The following IPO5 variants were observed in gnomAD, a reference collection of about 807,000 sequenced individuals.
IPO5 encodes the protein importin-5.
IPO5 carries 18 observed loss-of-function variants against 143.3 expected under a neutral mutation model. That is an observed-to-expected ratio of 0.13 (90% CI 0.09 to 0.19). IPO5 has a LOEUF of 0.19. IPO5 is among the 10% of genes least tolerant of loss of function. The pLI is 1.00. For synonymous variants in IPO5, 477 were observed against 465.7 expected, an observed-to-expected ratio of 1.02 and a Z score of -0.31; for missense variants, 1,013 against 1,336.9, an observed-to-expected ratio of 0.76 and a Z score of 3.78.
At chr13:98,007,138 G>A (rs983383658) in intron 17 of IPO5, among the ~76,000 whole-genome samples, 4 of 151,910 alleles carry the variant, frequency 2.6e-5, no homozygotes, top group East Asian at 1.9e-4. Context: ...GAGCCACCGC[G>A]CCCAGCCCGT....
At chr13:98,009,753 G>C in intron 18 of IPO5, 128 bp from the exon 19 acceptor site, 1 of 707,292 alleles carries the variant, frequency 1.4e-6, no homozygotes, top group South Asian at 2.1e-5. Context: ...CTTTAGAAAT[G>C]CTCTTACTGC....
At chr13:97,976,629 C>T in intron 3 of IPO5, 64 bp from the exon 4 acceptor site, 4 of 718,000 alleles carry the variant, frequency 5.6e-6, no homozygotes, top group Admixed American at 6.3e-5. Flanking sequence ...CCCCGCCCCT[C>T]CCGCGGCCCG....
intron 27 of IPO5, 154 bp downstream of exon 27, chr13:98,019,963 TAAG>T (rs1401259707): frequency 1.6e-5 from 9 of 563,096 alleles, no homozygotes; most frequent in East Asian, 2.8e-5. Flanking sequence ...TAAATCATAT[TAAG>T]AAACCATATC....
In IPO5 at chr13:97,976,676, T is replaced by G. The variant is rs781774617; in HGVS notation, c.-4-17T>G. 1.6e-6 allele frequency: 2 copies of G among 1,250,028 alleles called. No homozygotes were observed. The highest frequency in any genetic ancestry group is 2.1e-6 in the Non-Finnish European group (2 of 951,020). 77.4% of individuals were successfully genotyped at this position (1,250,028 alleles called of 1,614,324 possible). ...CACGGCTCCTGTCTCCCCTCCCTCCTTCTCTCTCACGCCTAGCGCAATGGC... is the reference window on the plus strand; with the variant it reads ...CACGGCTCCTGTCTCCCCTCCCTCCGTCTCTCTCACGCCTAGCGCAATGGC... On this transcript the variant is annotated splice_polypyrimidine_tract_variant and intron_variant, in intron 3 of 28. Transcript: ENST00000651721.
chr13:97,969,806 T>A lies in IPO5; in HGVS notation c.-29T>A. 1 of 1,612,724 alleles carries A rather than the reference T, an allele frequency of 6.2e-7. No homozygotes were observed. The highest frequency in any genetic ancestry group is 1.1e-5 in the South Asian group (1 of 90,908). ...ATGCCTGAGGATCAAGTTGGAAAAC[T>A]AGAAGCAACAGAAAACACAATAAGG... On this transcript the variant is annotated 5_prime_UTR_variant, in exon 3 of 29. Transcript: ENST00000651721.
In IPO5 at chr13:98,000,543, G is replaced by A. The variant is rs759580129; in HGVS notation, c.1006G>A (p.Ala336Thr). The A allele has an allele frequency of 2.5e-6, 4 of 1,609,962 alleles. No homozygotes were observed. The highest frequency in any genetic ancestry group is 3.3e-5 in the Admixed American group (2 of 59,990). Residue 336 changes from alanine (A) to threonine (T), a missense_variant, in exon 13 of 29, where the codon GCA (alanine) becomes ACA (threonine). Physicochemically the swap from Ala to Thr is moderately conservative, Grantham distance 58. Transcript: ENST00000651721. ...ELEDDDFDSN[A>T]VAGESALDRM... ...TAATTCTGTTTATGTGTTTAGCAATGCAGTTGCAGGCGAGAGTGCTCTAGA... is the reference window on the plus strand; with the variant it reads ...TAATTCTGTTTATGTGTTTAGCAATACAGTTGCAGGCGAGAGTGCTCTAGA...
At chr13:97,978,127 T>G (rs1886537608) in intron 4 of IPO5, among the ~76,000 whole-genome samples, 1 of 152,260 alleles carries the variant, frequency 6.6e-6, no homozygotes, top group Non-Finnish European at 1.5e-5. Context: ...TTATTATACA[T>G]GTAATACATG....
At chr13:97,983,544 C>T (rs1395996809) in intron 5 of IPO5, among the ~76,000 whole-genome samples, 2 of 131,782 alleles carry the variant, frequency 1.5e-5, no homozygotes, top group Admixed American at 7.8e-5. Flanking sequence ...TCCACCCCCC[C>T]CCCCCACCGT....
chr13:98,007,959 C>T, intron 17 of IPO5, 100 bp from the exon 18 acceptor site: 3 of 654,792 alleles, frequency 4.6e-6, no homozygotes, highest in South Asian at 1.9e-5. Flanking sequence ...AAGTTATGAC[C>T]TATGTGGGCA....
At chr13:97,967,026 A>G (rs1046069428) in intron 2 of IPO5, among the ~76,000 whole-genome samples, 3 of 152,096 alleles carry the variant, frequency 2.0e-5, no homozygotes, top group Admixed American at 2.0e-4. Context: ...ACAGAGCAAG[A>G]CTCTGTCTCA....
intron 4 of IPO5, chr13:97,977,069 C>A: frequency 5.8e-6 from 1 of 171,558 alleles, no homozygotes; most frequent in South Asian, 9.6e-5. Flanking sequence ...TGTGGGGTGC[C>A]GGGCGGGCCC....
intron 6 of IPO5, chr13:97,987,842 T>C (rs910773522): frequency 1.2e-5 from 2 of 163,626 alleles, no homozygotes; most frequent in Non-Finnish European, 2.7e-5. Context: ...AAAATTCTAC[T>C]TTCCAGTTTT....
rs202040218 is a variant in IPO5 at position 97,966,888 on chromosome 13, T to C, written c.-112-2835T>C. Among the ~76,000 whole-genome samples the C allele has an allele frequency of 7.2e-5, 11 of 152,136 alleles. No homozygotes were observed. The East Asian group carries it at 2.1e-3, about 29-fold the overall frequency. The stretch of plus-strand genomic sequence containing the variant: ...ACATCTCTACTAAAAACACAAAAAT[T>C]AGCCGGGTGTGGTGGTGTGTGCCTA... On this transcript the variant is annotated intron_variant, in intron 2 of 28. Transcript: ENST00000651721.
intron 3 of IPO5, chr13:97,975,966 G>A (rs1886253377): frequency 2.0e-6 from 2 of 985,654 alleles, no homozygotes; most frequent in Non-Finnish European, 2.4e-6. Context: ...GGAGGTCGGA[G>A]GGTCTGAAAG....
At chr13:97,988,297 G>T (rs1393003200) in intron 6 of IPO5, among the ~76,000 whole-genome samples, 1 of 152,050 alleles carries the variant, frequency 6.6e-6, no homozygotes, top group East Asian at 1.9e-4. Context: ...ACCCTGTATG[G>T]GTCCTGAGAT....
chr13:97,999,121 C>T (rs1283266191), intron 12 of IPO5, among the ~76,000 whole-genome samples: 1 of 151,862 alleles, frequency 6.6e-6, no homozygotes, highest in Non-Finnish European at 1.5e-5. Context: ...ACAGCCTGGG[C>T]AACAGAGCAA....
In IPO5 at chr13:97,954,813, G is replaced by A. The variant is rs77355026; in HGVS notation, c.-113+615G>A. Reference sequence around the variant, plus strand: ...TTCCTAAACAGTTTTGCTTTCTTCCGTCATTTGTCTGTGATGGAACCTCAA... The same window carrying A: ...TTCCTAAACAGTTTTGCTTTCTTCCATCATTTGTCTGTGATGGAACCTCAA... On this transcript the variant is annotated intron_variant, in intron 2 of 28. Coordinates refer to ENST00000651721, the MANE Select transcript of IPO5 (RefSeq NM_002271.6). Among the ~76,000 whole-genome samples, 664 of 152,186 alleles carry A rather than the reference G, an allele frequency of 4.4e-3. 4 individuals carry two copies. Among genetic ancestry groups the A allele is most frequent in the African/African-American group, 0.015 (616 of 41,512 alleles).
chr13:98,015,572 T>C lies in IPO5; in HGVS notation c.2368T>C (p.Phe790Leu). 1.2e-6 allele frequency: 2 copies of C among 1,612,308 alleles called. No individual in the cohort carries two copies. Among genetic ancestry groups the C allele is most frequent in the Non-Finnish European group, 1.7e-6 (2 of 1,178,650 alleles). The change falls in exon 23 of 29, where the codon TTT becomes CTT. Residue 790 changes from phenylalanine to leucine, a missense_variant. This residue lies in a region of IPO5 where 685 missense variants were observed against 994.9 expected (regional missense o/e 0.69). Coordinates refer to ENST00000651721, the MANE Select transcript of IPO5 (RefSeq NM_002271.6). Reference protein sequence around the residue: ...MGDGCLNNEHFEELGGILKAK... With the variant: ...MGDGCLNNEHLEELGGILKAK... ...AGATGGATGCCTTAATAATGAACAC[T>C]TTGAAGAACTGGGAGGTATATTGAA...
At chr13:97,983,292 C>G (rs1197978207) in intron 5 of IPO5, among the ~76,000 whole-genome samples, 1 of 152,056 alleles carries the variant, frequency 6.6e-6, no homozygotes, top group African/African-American at 2.4e-5. Context: ...TTTTTCCCAT[C>G]TTTAAAAATT....
Sources: allele counts gnomAD v4.1 joint callset (sites outside exome capture counted in the v4.1 genomes callset), GRCh38; gene constraint gnomAD v4.1.1; regional missense constraint gnomAD v4.1.1; transcripts MANE v1.5; gene names NCBI Gene and HGNC (gene_info 2026-07-23, HGNC 2026-07-21).